The following WHAMM variants were observed in gnomAD, a reference collection of about 807,000 sequenced individuals.
WHAMM encodes the protein WASP homolog associated with actin, golgi membranes and microtubules.
Under a neutral mutation model 76.5 loss-of-function variants are expected in WHAMM, and 67 were observed. The observed-to-expected ratio is 0.88, with a 90% CI of 0.72 to 1.07. WHAMM has a LOEUF of 1.07. Among genes scored for constraint, WHAMM ranks in the 50% least tolerant of loss-of-function variants. The pLI is 0.00. For synonymous variants in WHAMM, 419 were observed against 422.1 expected, an observed-to-expected ratio of 0.99 and a Z score of 0.09; for missense variants, 1,021 against 1,051.1, an observed-to-expected ratio of 0.97 and a Z score of 0.40.
Position 82,833,610 on chromosome 15 carries a change from A to G in WHAMM, c.*74A>G, listed in dbSNP as rs900023853. ...GTGAGTCTTAGACCTATCGAAAAGC[A>G]TACTAACAGGGTGCTGATAGATGGG... On this transcript the variant is annotated 3_prime_UTR_variant, in exon 10 of 10. Transcript: ENST00000286760. 4.7e-6 allele frequency: 7 copies of G among 1,501,168 alleles called. No homozygotes were observed. The highest frequency in any genetic ancestry group is 6.3e-6 in the Non-Finnish European group (7 of 1,114,692). The allele number at this position is 1,501,168 out of a possible 1,614,324, so 93.0% of individuals were successfully genotyped here.
At chr15:82,827,545 T>C (rs1174224101) in intron 8 of WHAMM, among the ~76,000 whole-genome samples, 1 of 152,244 alleles carries the variant, frequency 6.6e-6, no homozygotes, top group Non-Finnish European at 1.5e-5. Context: ...TGAGGTATAG[T>C]GTGATATTTT....
intron 6 of WHAMM, 25 bp from the exon 7 acceptor site, chr15:82,826,385 T>C (rs370743785): frequency 1.9e-5 from 30 of 1,612,780 alleles, no homozygotes; most frequent in Non-Finnish European, 2.4e-5. Flanking sequence ...AAAAACCATG[T>C]AGGTGATTTG....
intron 1 of WHAMM, chr15:82,810,727 A>G: frequency 7.1e-6 from 7 of 985,452 alleles, no homozygotes; most frequent in Non-Finnish European, 8.4e-6. Flanking sequence ...ATTCCTGTGT[A>G]TGAGGGGACG....
Position 82,809,990 on chromosome 15 carries a change from C to A in WHAMM, c.264C>A (p.Arg88=). The change falls in exon 1 of 10, where the codon CGC becomes CGA. Residue 88 remains arginine, a synonymous_variant. Transcript: ENST00000286760. ...WAGLLSAAGL[R]GAHRQLAALW... ...GCCTGCTCTCGGCCGCGGGGCTCCG[C>A]GGCGCGCACCGGCAGTTGGCGGCGC... is the stretch of plus-strand genomic sequence containing the variant. 7.8e-7 allele frequency: 1 copy of A among 1,275,520 alleles called. No homozygotes were observed. 79.0% of individuals were successfully genotyped at this position (1,275,520 alleles called of 1,614,324 possible).
intron 6 of WHAMM, among the ~76,000 whole-genome samples, chr15:82,824,566 C>T (rs1447657482): frequency 6.6e-6 from 1 of 152,138 alleles, no homozygotes; most frequent in Admixed American, 6.5e-5. Flanking sequence ...GGTGATCCAC[C>T]CGCCTTGGCC....
rs11259953 is a variant in WHAMM at position 82,833,313 on chromosome 15, A to G, written c.2207A>G (p.His736Arg). The change falls in exon 10 of 10, where the codon CAC becomes CGC. Residue 736 changes from histidine (H) to arginine (R), a missense_variant. By Grantham distance (29) the His-to-Arg change is conservative. Transcript: ENST00000286760. The stretch of plus-strand genomic sequence containing the variant: ...GAAGTGCCGGCGGTGCGCCCTCCCC[A>G]CGCCTCAATCAATGAGCACATTCTG... Reference protein sequence around the residue: ...KVEVPAVRPPHASINEHILAA... With the variant: ...KVEVPAVRPPRASINEHILAA... 1 of 1,613,670 alleles carries G rather than the reference A, an allele frequency of 6.2e-7. No individual in the cohort carries two copies. Among genetic ancestry groups the G allele is most frequent in the Non-Finnish European group, 8.5e-7 (1 of 1,179,774 alleles).
intron 8 of WHAMM, 99 bp from the exon 9 acceptor site, chr15:82,830,500 A>T (rs528922030): frequency 2.0e-6 from 3 of 1,504,478 alleles, no homozygotes; most frequent in South Asian, 2.6e-5. Context: ...TAGACCATCC[A>T]TGCATAGAAA....
chr15:82,815,315 C>G (rs1431714532), intron 2 of WHAMM, among the ~76,000 whole-genome samples: 1 of 151,678 alleles, frequency 6.6e-6, no homozygotes, highest in East Asian at 1.9e-4. Context: ...TTTCCCTACT[C>G]TGGACATAGC....
At chr15:82,822,841 C>T (rs1954446971) in intron 5 of WHAMM, among the ~76,000 whole-genome samples, 1 of 151,606 alleles carries the variant, frequency 6.6e-6, no homozygotes, top group South Asian at 2.1e-4. Flanking sequence ...TATATATACA[C>T]ACATATGTCT....
At chr15:82,817,384 T>C (rs2050743861) in intron 3 of WHAMM, among the ~76,000 whole-genome samples, 1 of 152,180 alleles carries the variant, frequency 6.6e-6, no homozygotes, top group Admixed American at 6.5e-5. Flanking sequence ...GCTTGTGGGC[T>C]GGGTGAAGGA....
chr15:82,833,008 C>T (rs2051056887), intron 9 of WHAMM, among the ~76,000 whole-genome samples: 1 of 152,170 alleles, frequency 6.6e-6, no homozygotes, highest in African/African-American at 2.4e-5. Flanking sequence ...AAGAAGTTAG[C>T]AGAAAGGAAG....
In WHAMM at chr15:82,833,670, T is replaced by G; in HGVS notation, c.*134T>G. 1 of 951,744 alleles carries G rather than the reference T, an allele frequency of 1.1e-6. No homozygotes were observed. The allele number at this position is 951,744 out of a possible 1,614,324, so 59.0% of individuals were successfully genotyped here. A position where few individuals can be genotyped will look rare whatever the true frequency, so the allele number is the denominator to read the frequency against. On this transcript the variant is annotated 3_prime_UTR_variant, in exon 10 of 10. Coordinates refer to ENST00000286760, the MANE Select transcript of WHAMM (RefSeq NM_001080435.3). ...ACCCCGGAAGATCAGCAGGGCCTTG[T>G]GTAGGCTGCTGCAGCATTTTTTTTT...
rs200208288 is a variant in WHAMM, at chr15:82,830,753, C to T, written c.1796C>T (p.Ser599Leu). The T allele has an allele frequency of 8.6e-5, 138 of 1,613,806 alleles. No individual in the cohort carries two copies. Among genetic ancestry groups the T allele is most frequent in the Non-Finnish European group, 1.1e-4 (125 of 1,179,896 alleles). ...SSRKTRGVPL[S>L]EAGNVKSPKC... ...AGGAAAACTAGAGGTGTTCCCCTAT[C>T]GGAAGCTGGTAATGTGAAAAGCCCC... is the stretch of plus-strand genomic sequence containing the variant. Residue 599 changes from serine to leucine, a missense_variant, in exon 9 of 10, where the codon TCG (serine) becomes TTG (leucine). By Grantham distance (145) the Ser-to-Leu change is moderately radical (BLOSUM62 -2). Transcript: ENST00000286760.
intron 9 of WHAMM, among the ~76,000 whole-genome samples, chr15:82,832,427 A>C (rs1317477963): frequency 6.6e-6 from 1 of 152,214 alleles, no homozygotes; most frequent in Admixed American, 6.5e-5. Context: ...ATTAGTGGCC[A>C]CAGTCAGGCC....
rs2050734965 is a variant in WHAMM at position 82,816,806 on chromosome 15, G to C, written c.898G>C (p.Val300Leu). 1.9e-6 allele frequency: 3 copies of C among 1,565,112 alleles called. No homozygotes were observed. The highest frequency in any genetic ancestry group is 2.6e-6 in the Non-Finnish European group (3 of 1,153,518). ...TGTCGTCTCTATTCAGGATATCACA[G>C]TGAATTATTTTAAGGAGACAGTAAA... ...EAVVSIQDIT[V>L]NYFKETVKAL... is the part of the protein sequence containing the mutation. The change falls in exon 3 of 10, where the codon GTG (valine) becomes CTG (leucine). Residue 300 changes from valine to leucine, a missense_variant. This residue lies in a region of WHAMM where 501 missense variants were observed against 524.9 expected (regional missense o/e 0.95). Coordinates refer to ENST00000286760, the MANE Select transcript of WHAMM (RefSeq NM_001080435.3).
chr15:82,825,192 T>C (rs943154169), intron 6 of WHAMM, among the ~76,000 whole-genome samples: 4 of 152,208 alleles, frequency 2.6e-5, no homozygotes, highest in Non-Finnish European at 5.9e-5. Context: ...TGTTTAAGAA[T>C]TGTACTTCTG....
In WHAMM at chr15:82,833,332, C is replaced by A; in HGVS notation, c.2226C>A (p.His742Gln). 2 of 1,614,030 alleles carry A rather than the reference C, an allele frequency of 1.2e-6. No individual in the cohort carries two copies. Among genetic ancestry groups the A allele is most frequent in the Non-Finnish European group, 1.7e-6 (2 of 1,179,882 alleles). Residue 742 changes from histidine to glutamine, a missense_variant, in exon 10 of 10, where the codon CAC becomes CAA. By Grantham distance (24) the His-to-Gln change is conservative (BLOSUM62 0). Transcript: ENST00000286760. ...VRPPHASINE[H>Q]ILAAIRQGVK... ...CTCCCCACGCCTCAATCAATGAGCA[C>A]ATTCTGGCTGCCATAAGGCAAGGGG...
At chr15:82,820,661 G>GAGTGGGGC (rs1410581822) in intron 5 of WHAMM, among the ~76,000 whole-genome samples, 2 of 152,110 alleles carry the variant, frequency 1.3e-5, no homozygotes, top group Non-Finnish European at 2.9e-5. Flanking sequence ...TTGGGAGGCT[G>GAGTGGGGC]AGTGGGGCAG....
chr15:82,812,464 G>T (rs889824415), intron 1 of WHAMM, among the ~76,000 whole-genome samples: 2 of 152,134 alleles, frequency 1.3e-5, no homozygotes, highest in African/African-American at 4.8e-5. Flanking sequence ...TCCTGACCTC[G>T]TGATCCGCCC....
Sources: gnomAD v4.1 joint callset for allele counts (sites outside exome capture counted in the v4.1 genomes callset) on GRCh38, gnomAD v4.1.1 for gene constraint, gnomAD v4.1.1 regional missense constraint, MANE v1.5 for transcripts, NCBI Gene and HGNC (gene_info 2026-07-23, HGNC 2026-07-21) for gene names.